Variants in NDE1 observed in about 807,000 individuals in gnomAD.
The protein encoded by NDE1 is nudE neurodevelopment protein 1.
Under a neutral mutation model 43.4 loss-of-function variants are expected in NDE1, and 28 were observed. The ratio of observed to expected loss-of-function variants is 0.65; its 90% CI spans 0.48 to 0.89. The LOEUF (loss-of-function observed/expected upper bound fraction) is 0.89. Among genes scored for constraint, NDE1 ranks in the 40% least tolerant of loss-of-function variants. The pLI is 0.00. For missense variants in NDE1, 441 were observed against 434.1 expected, an observed-to-expected ratio of 1.02 and a Z score of -0.14; for synonymous variants, 184 against 172.0, an observed-to-expected ratio of 1.07 and a Z score of -0.55.
At chr16:15,675,886 T>G (rs909858512) in intron 3 of NDE1, among the ~76,000 whole-genome samples, 2 of 152,148 alleles carry the variant, frequency 1.3e-5, no homozygotes, top group Non-Finnish European at 2.9e-5. Context: ...CTTGGCTCAG[T>G]CATTTGCTAC....
In NDE1 at chr16:15,721,396, G is replaced by C. The variant is rs369034509; in HGVS notation, c.948-2795G>C. 2.5e-6 allele frequency: 4 copies of C among 1,612,796 alleles called. No individual in the cohort carries two copies. The East Asian group carries it at 8.9e-5, about 36-fold the overall frequency. ...GAGGGTGGGCAGGCGAAACATGGAC[G>C]AGAAAAACCACCCAGAGCCACTTAC... On this transcript the variant is annotated intron_variant, in intron 8 of 8. Coordinates refer to ENST00000396354, the MANE Select transcript of NDE1 (RefSeq NM_017668.3).
At chr16:15,646,455 C>T (rs2151379183), upstream of NDE1, among the ~76,000 whole-genome samples, 1 of 152,218 alleles carries the variant, frequency 6.6e-6, no homozygotes, top group African/African-American at 2.4e-5. Flanking sequence ...GTGGTGCACA[C>T]CTGAAATCCC....
chr16:15,643,858 T>C (rs1428401081), exon 1 of NDE1: 2 of 156,354 alleles, frequency 1.3e-5, no homozygotes, highest in African/African-American at 4.8e-5. Context: ...AAAGCCCTGC[T>C]CCAAAGCTGG....
At chr16:15,654,364 C>T (rs540948292) in intron 1 of NDE1, among the ~76,000 whole-genome samples, 1 of 152,022 alleles carries the variant, frequency 6.6e-6, no homozygotes, top group Admixed American at 6.6e-5. Context: ...CTTTGGGAGG[C>T]CTAGGTGGGC....
chr16:15,645,258 A>G (rs560263714), upstream of NDE1, among the ~76,000 whole-genome samples: 1 of 152,222 alleles, frequency 6.6e-6, no homozygotes, highest in African/African-American at 2.4e-5. Context: ...CCTTTTTACC[A>G]AGCAGACACA....
rs760611400 is a variant in NDE1, at chr16:15,724,323, G to C, written c.*72G>C. The C allele has an allele frequency of 6.2e-7, 1 of 1,614,088 alleles. No individual in the cohort carries two copies. The highest frequency in any genetic ancestry group is 8.5e-7 in the Non-Finnish European group (1 of 1,180,034). Reference sequence around the variant, plus strand: ...CCTCGTACTGCTGGGTGAGGTTCTCGATCTCCTTCTGGAACCTCTTCTTCC... The same window carrying C: ...CCTCGTACTGCTGGGTGAGGTTCTCCATCTCCTTCTGGAACCTCTTCTTCC... On this transcript the variant is annotated 3_prime_UTR_variant, in exon 9 of 9. Coordinates refer to ENST00000396354, the MANE Select transcript of NDE1 (RefSeq NM_017668.3).
At chr16:15,662,039 T>A (rs2037072142) in intron 1 of NDE1, among the ~76,000 whole-genome samples, 1 of 152,016 alleles carries the variant, frequency 6.6e-6, no homozygotes, top group Non-Finnish European at 1.5e-5. Context: ...ACTCATGTGA[T>A]CCTCCTTCCT....
intron 1 of NDE1, among the ~76,000 whole-genome samples, chr16:15,645,224 A>G (rs532633076): frequency 2.2e-4 from 34 of 151,446 alleles, no homozygotes; most frequent in Admixed American, 1.9e-3. Context: ...CATTTTCTTT[A>G]TATGTATATT....
In NDE1 at chr16:15,662,095, G is replaced by A. The variant is rs181922087; in HGVS notation, c.-43-2641G>A. ...ACTACAGATGTGTTGCACCACACCA[G>A]TCTAATTTTTTAAAAAGTTTTTTTG... On this transcript the variant is annotated intron_variant, in intron 1 of 8. Coordinates refer to ENST00000396354, the MANE Select transcript of NDE1 (RefSeq NM_017668.3). 2.0e-4 allele frequency among the ~76,000 whole-genome samples: 30 copies of A among 151,684 alleles called. No homozygotes were observed. The East Asian group carries it at 4.1e-3, about 21-fold the overall frequency.
chr16:15,697,851 G>C (rs960902330), intron 8 of NDE1, among the ~76,000 whole-genome samples: 1 of 150,488 alleles, frequency 6.6e-6, no homozygotes, highest in Admixed American at 6.7e-5. Flanking sequence ...CTGTCGCCTA[G>C]GCTGGAGTGT....
At chr16:15,663,274 C>A (rs959702222) in intron 1 of NDE1, among the ~76,000 whole-genome samples, 1 of 146,032 alleles carries the variant, frequency 6.8e-6, no homozygotes, top group South Asian at 2.2e-4. Flanking sequence ...GAGTCTCATT[C>A]TGTCGCCCAG....
chr16:15,690,429 C>G (rs2038695012), intron 5 of NDE1, among the ~76,000 whole-genome samples: 1 of 120,738 alleles, frequency 8.3e-6, no homozygotes, highest in South Asian at 2.9e-4. Context: ...ATGATCATGG[C>G]TTACTGCAGC....
chr16:15,659,757 T>C (rs1409371544), intron 1 of NDE1, among the ~76,000 whole-genome samples: 1 of 146,864 alleles, frequency 6.8e-6, no homozygotes, highest in Non-Finnish European at 1.5e-5. Flanking sequence ...TCTTTTTTTT[T>C]TTTTTTTTTG....
At chr16:15,719,759 C>G in intron 8 of NDE1, 1 of 1,613,094 alleles carries the variant, frequency 6.2e-7, no homozygotes, top group South Asian at 1.1e-5. Flanking sequence ...CCTTACTCCC[C>G]CAAGTTCTGC....
intron 6 of NDE1, among the ~76,000 whole-genome samples, chr16:15,692,483 C>T (rs186457477): frequency 1.3e-4 from 20 of 152,018 alleles, no homozygotes; most frequent in East Asian, 7.8e-4. Flanking sequence ...GATATTGGCT[C>T]GCTGTAACCC....
At position 15,720,322 on chromosome 16, in the gene NDE1, G is replaced by A. The variant is rs1432532960; in HGVS notation, c.948-3869G>A. 6.2e-7 allele frequency: 1 copy of A among 1,612,662 alleles called. No individual in the cohort carries two copies. On this transcript the variant is annotated intron_variant, in intron 8 of 8. Transcript: ENST00000396354. The stretch of plus-strand genomic sequence containing the variant: ...TCTCATACTCGTGAAGCTGGGCGAG[G>A]AATAGAGATGTGTGCTGCCCCACTT...
At chr16:15,721,277 C>T in intron 8 of NDE1, 3 of 1,053,894 alleles carry the variant, frequency 2.8e-6, no homozygotes, top group Admixed American at 2.0e-5. Flanking sequence ...CCTCCCAGCC[C>T]CTGCACCAGT....
At chr16:15,718,474 C>T in intron 8 of NDE1, 1 of 1,538,262 alleles carries the variant, frequency 6.5e-7, no homozygotes, top group East Asian at 2.4e-5. Flanking sequence ...GGCCTCTACC[C>T]TCCCCCGCCT....
Position 15,725,033 on chromosome 16 carries a change from G to A in NDE1, c.*782G>A. The A allele has an allele frequency of 6.4e-7, 1 of 1,567,718 alleles. No homozygotes were observed. Among genetic ancestry groups the A allele is most frequent in the Non-Finnish European group, 8.8e-7 (1 of 1,142,372 alleles). ...GACTGGTTAGTCAAAGCCTCTAGAAGGGGATCCTCGTTGAAAGGAGCCCTT... is the reference window on the plus strand; with the variant it reads ...GACTGGTTAGTCAAAGCCTCTAGAAAGGGATCCTCGTTGAAAGGAGCCCTT... On this transcript the variant is annotated 3_prime_UTR_variant, in exon 9 of 9. Transcript: ENST00000396354.
Sources: allele counts gnomAD v4.1 joint callset (sites outside exome capture counted in the v4.1 genomes callset), GRCh38; gene constraint gnomAD v4.1.1; transcripts MANE v1.5; gene names NCBI Gene and HGNC (gene_info 2026-07-23, HGNC 2026-07-21).